The following ZFAND3 variants were observed in gnomAD, a reference collection of about 807,000 sequenced individuals.
ZFAND3 encodes AN1-type zinc finger protein 3.
A neutral mutation model predicts 29.6 loss-of-function variants in ZFAND3; 10 were observed. The observed-to-expected ratio is 0.34, with a 90% CI of 0.21 to 0.57. ZFAND3 has a LOEUF of 0.57. ZFAND3 is among the 20% of genes least tolerant of loss of function. The probability of loss-of-function intolerance (pLI) is 0.86; values close to 1 mark genes in which losing one functional copy is unlikely to be tolerated. For synonymous variants in ZFAND3, 128 were observed against 112.6 expected (o/e 1.14, Z -0.87); for missense variants, 230 against 304.5 (o/e 0.76, Z 1.82).
At chr6:37,877,943 A>G (rs190794187) in intron 1 of ZFAND3, among the ~76,000 whole-genome samples, 75 of 152,350 alleles carry the variant, frequency 4.9e-4, no homozygotes, top group Admixed American at 1.8e-3. Context: ...AAAAAGATCA[A>G]TCTGGCTGCT....
intron 1 of ZFAND3, among the ~76,000 whole-genome samples, chr6:37,842,361 T>C (rs1207538977): frequency 2.0e-4 from 31 of 152,204 alleles, no homozygotes; most frequent in Non-Finnish European, 2.9e-5. Context: ...CCTGATTTTT[T>C]TCCCCATCAT....
At chr6:38,088,520 G>A (rs911617764) in intron 4 of ZFAND3, 23 of 152,324 alleles carry the variant, frequency 1.5e-4, no homozygotes, top group African/African-American at 4.8e-4. Context: ...TACTTAAAGA[G>A]TGTAATTGTA....
chr6:38,068,841 T>C lies in ZFAND3; in HGVS notation c.295+7066T>C, dbSNP rs1029861163. 2.6e-5 allele frequency among the ~76,000 whole-genome samples: 4 copies of C among 152,212 alleles called. 1 individual carries two copies. The highest frequency in any genetic ancestry group is 1.3e-4 in the Admixed American group (2 of 15,284). ...TTTAATATGACACTGATTCCCAAAA[T>C]AGAAATTTCAGAACGTACTCCACCT... On this transcript the variant is annotated intron_variant, in intron 3 of 5. Transcript: ENST00000287218.
chr6:37,838,893 C>G (rs979118864), intron 1 of ZFAND3, among the ~76,000 whole-genome samples: 3 of 152,188 alleles, frequency 2.0e-5, no homozygotes, highest in Non-Finnish European at 4.4e-5. Context: ...AAACTACCAC[C>G]CTGTTTTCCA....
intron 1 of ZFAND3, among the ~76,000 whole-genome samples, chr6:37,871,414 C>G (rs1028120608): frequency 1.3e-5 from 2 of 152,144 alleles, no homozygotes; most frequent in Non-Finnish European, 2.9e-5. Flanking sequence ...AAATTCTTGT[C>G]TACAAAGAAA....
intron 1 of ZFAND3, among the ~76,000 whole-genome samples, chr6:37,922,933 A>G (rs189325815): frequency 6.6e-6 from 1 of 152,348 alleles, no homozygotes; most frequent in East Asian, 1.9e-4. Context: ...CACTTAGGCT[A>G]CACTAAGTTT....
At chr6:37,854,350 A>G (rs968686443) in intron 1 of ZFAND3, among the ~76,000 whole-genome samples, 1 of 152,214 alleles carries the variant, frequency 6.6e-6, no homozygotes, top group Non-Finnish European at 1.5e-5. Context: ...TAGGGGAGAC[A>G]TGAATTCAGG....
chr6:38,112,060 G>A (rs1211567212), intron 4 of ZFAND3, among the ~76,000 whole-genome samples: 2 of 152,004 alleles, frequency 1.3e-5, no homozygotes, highest in Non-Finnish European at 2.9e-5. Flanking sequence ...AGCTAAATAG[G>A]CAAAATCCTT....
At chr6:37,917,747 C>T (rs1281459186) in intron 1 of ZFAND3, among the ~76,000 whole-genome samples, 1 of 152,142 alleles carries the variant, frequency 6.6e-6, no homozygotes, top group African/African-American at 2.4e-5. Context: ...AGTTTATTTT[C>T]TGCTGTCACC....
intron 4 of ZFAND3, among the ~76,000 whole-genome samples, chr6:38,084,769 G>A (rs565788780): frequency 6.6e-6 from 1 of 152,146 alleles, no homozygotes; most frequent in Non-Finnish European, 1.5e-5. Context: ...AAAAGATGGA[G>A]AATTTCTTGC....
Position 38,116,510 on chromosome 6 carries a change from AATCAACTGT to A in ZFAND3, c.362-61_362-53del, listed in dbSNP as rs1040001876. 13 of 1,534,710 alleles carry A rather than the reference AATCAACTGT, an allele frequency of 8.5e-6. No homozygotes were observed. In the East Asian group the frequency reaches 1.1e-4, roughly 13 times the overall value. Reference sequence around the variant, plus strand: ...TCAGGAGAATGCCTGGAAATACATTAATCAACTGTGCTTGCCAGGCCAGGCACTAATCCT... The same window carrying A: ...TCAGGAGAATGCCTGGAAATACATTAGCTTGCCAGGCCAGGCACTAATCCT... On this transcript the variant is annotated intron_variant, in intron 4 of 5. Transcript: ENST00000287218.
At chr6:38,125,028 G>A (rs568594302) in intron 5 of ZFAND3, among the ~76,000 whole-genome samples, 1 of 152,318 alleles carries the variant, frequency 6.6e-6, no homozygotes, top group African/African-American at 2.4e-5. Context: ...AGAAGAAAGT[G>A]TCCCATCCAT....
At position 37,826,995 on chromosome 6, in the gene ZFAND3, T is replaced by C. The variant is rs539837636; in HGVS notation, c.71+6979T>C. Among the ~76,000 whole-genome samples the C allele has an allele frequency of 9.2e-5, 14 of 152,364 alleles. No homozygotes were observed. The South Asian group carries it at 1.7e-3, about 18-fold the overall frequency. Reference sequence around the variant, plus strand: ...TCAAGAAAGTTATGTTGGACAGTGCTGTTCTAGAATGTTGACTGATGGGCA... The same window carrying C: ...TCAAGAAAGTTATGTTGGACAGTGCCGTTCTAGAATGTTGACTGATGGGCA... On this transcript the variant is annotated intron_variant, in intron 1 of 5. Coordinates refer to ENST00000287218, the MANE Select transcript of ZFAND3 (RefSeq NM_021943.3).
chr6:37,876,379 C>T (rs900039379), intron 1 of ZFAND3, among the ~76,000 whole-genome samples: 2 of 152,172 alleles, frequency 1.3e-5, no homozygotes, highest in Non-Finnish European at 2.9e-5. Context: ...GAACTTCTTA[C>T]CTACGTGTTA....
At chr6:38,058,464 A>G (rs1460131518) in intron 2 of ZFAND3, among the ~76,000 whole-genome samples, 2 of 152,262 alleles carry the variant, frequency 1.3e-5, no homozygotes, top group Non-Finnish European at 2.9e-5. Context: ...CACTGAGATA[A>G]TAAGCCATTT....
chr6:38,067,063 CACA>C (rs1193142393), intron 3 of ZFAND3, among the ~76,000 whole-genome samples: 3 of 152,186 alleles, frequency 2.0e-5, no homozygotes, highest in Non-Finnish European at 2.9e-5. Flanking sequence ...GGTAACGGCT[CACA>C]ACAAGTATCC....
intron 1 of ZFAND3, among the ~76,000 whole-genome samples, chr6:37,848,381 A>C (rs977663837): frequency 6.6e-6 from 1 of 152,260 alleles, no homozygotes; most frequent in Non-Finnish European, 1.5e-5. Flanking sequence ...CCTGTCAGGC[A>C]GCGGTGAAGT....
chr6:37,948,756 C>G (rs763255449), intron 2 of ZFAND3, among the ~76,000 whole-genome samples: 1 of 152,208 alleles, frequency 6.6e-6, no homozygotes, highest in Non-Finnish European at 1.5e-5. Context: ...ACTTCCAGCT[C>G]CATCCATGTT....
At position 38,144,194 on chromosome 6, in the gene ZFAND3, T is replaced by TA. The variant is rs1305514934; in HGVS notation, c.530-8040dup. Among the ~76,000 whole-genome samples the TA allele has an allele frequency of 1.3e-3, 43 of 32,248 alleles. 1 individual carries two copies. The highest frequency in any genetic ancestry group is 4.8e-3 in the African/African-American group (35 of 7,260). The allele number at this position is 32,248 out of a possible 152,430, so 21.2% of individuals were successfully genotyped here. On this transcript the variant is annotated intron_variant, in intron 5 of 5. Transcript: ENST00000287218. ...GTGATATATATATATAATATATATA[T>TA]ATATATATATATATATAATATATAA...
Sources: gnomAD v4.1 joint callset for allele counts (sites outside exome capture counted in the v4.1 genomes callset) on GRCh38, gnomAD v4.1.1 for gene constraint, MANE v1.5 for transcripts, NCBI Gene and HGNC (gene_info 2026-07-23, HGNC 2026-07-21) for gene names.